The following GSE1 variants were observed in gnomAD, a reference collection of about 807,000 sequenced individuals.
The protein encoded by GSE1 is Gse1 coiled-coil protein, also known as genetic suppressor element 1.
A neutral mutation model predicts 112.6 loss-of-function variants in GSE1; 32 were observed. That is an observed-to-expected ratio of 0.28 (90% confidence interval 0.21 to 0.38). The LOEUF (loss-of-function observed/expected upper bound fraction) is 0.38. Ranked by LOEUF, GSE1 falls within the 10% of genes least tolerant of loss-of-function variation. GSE1 has a pLI of 1.00. For synonymous variants in GSE1, 1,115 were observed against 735.6 expected, an observed-to-expected ratio of 1.52 and a Z score of -8.35; for missense variants, 2,348 against 1,699.2, an observed-to-expected ratio of 1.38 and a Z score of -6.71.
chr16:85,250,995 C>T (rs930038829), intron 1 of GSE1, among the ~76,000 whole-genome samples: 11 of 152,264 alleles, frequency 7.2e-5, no homozygotes, highest in African/African-American at 2.4e-4. Flanking sequence ...GTCAAGGCTT[C>T]ATTCCTTTTC....
intron 2 of GSE1, among the ~76,000 whole-genome samples, chr16:85,532,700 G>A (rs1056984225): frequency 2.6e-5 from 4 of 152,238 alleles, no homozygotes; most frequent in Non-Finnish European, 5.9e-5. Context: ...GCATCGGGTG[G>A]AAGGCAGGAT....
chr16:85,220,588 G>A (rs1597829501), intron 1 of GSE1, among the ~76,000 whole-genome samples: 1 of 152,022 alleles, frequency 6.6e-6, no homozygotes, highest in South Asian at 2.1e-4. Context: ...TTGAACTTCA[G>A]CCTCCCCACA....
At chr16:85,606,339 G>A (rs1262215302) in intron 1 of GSE1, among the ~76,000 whole-genome samples, 3 of 152,240 alleles carry the variant, frequency 2.0e-5, no homozygotes, top group Non-Finnish European at 2.9e-5. Context: ...CAGCAGGAGC[G>A]CTGGGAAGGC....
In GSE1 at chr16:85,654,934, C is replaced by T; in HGVS notation, c.740C>T (p.Ala247Val). 1.2e-6 allele frequency: 2 copies of T among 1,610,978 alleles called. No individual in the cohort carries two copies. Among genetic ancestry groups the T allele is most frequent in the Non-Finnish European group, 1.7e-6 (2 of 1,179,548 alleles). The change falls in exon 5 of 16, where the codon GCA becomes GTA. Residue 247 changes from alanine to valine, a missense_variant. Coordinates refer to ENST00000253458, the MANE Select transcript of GSE1 (RefSeq NM_014615.5). ...PPLGLDPATA[A>V]AYYHPSYLAP... Reference sequence around the variant, plus strand: ...CTCGGCCTGGACCCGGCCACTGCTGCAGCCTACTACCACCCCAGCTACCTG... The same window carrying T: ...CTCGGCCTGGACCCGGCCACTGCTGTAGCCTACTACCACCCCAGCTACCTG...
chr16:85,439,819 C>T (rs953938815), intron 2 of GSE1, among the ~76,000 whole-genome samples: 2 of 152,052 alleles, frequency 1.3e-5, no homozygotes, highest in African/African-American at 4.8e-5. Context: ...TCCACAGGCA[C>T]AGATGCATGC....
intron 2 of GSE1, among the ~76,000 whole-genome samples, chr16:85,384,436 C>T (rs983499211): frequency 2.6e-5 from 4 of 152,224 alleles, no homozygotes; most frequent in African/African-American, 9.6e-5. Context: ...GCTTTTATTT[C>T]CACATCTATA....
At chr16:85,219,084 T>G (rs1214271384) in intron 1 of GSE1, among the ~76,000 whole-genome samples, 3 of 152,196 alleles carry the variant, frequency 2.0e-5, no homozygotes. Flanking sequence ...TTTCACCATG[T>G]TAGCCAGGAT....
At chr16:85,601,291 C>CA in intron 1 of GSE1, among the ~76,000 whole-genome samples, 1 of 151,954 alleles carries the variant, frequency 6.6e-6, no homozygotes, top group Non-Finnish European at 1.5e-5. Flanking sequence ...GGGAGGGGAG[C>CA]AGCCCCAGGA....
chr16:85,623,178 C>T (rs535192968), intron 1 of GSE1, among the ~76,000 whole-genome samples: 14 of 151,568 alleles, frequency 9.2e-5, no homozygotes, highest in African/African-American at 2.9e-4. Context: ...CAAATAAAAA[C>T]AGGTTGAAGG....
intron 2 of GSE1, among the ~76,000 whole-genome samples, chr16:85,466,162 C>T (rs934186992): frequency 1.3e-5 from 2 of 152,216 alleles, no homozygotes. Context: ...GTTGAAAGGA[C>T]AAGGGCGGCT....
intron 2 of GSE1, among the ~76,000 whole-genome samples, chr16:85,470,419 G>A (rs1227568679): frequency 6.8e-6 from 1 of 146,844 alleles, no homozygotes; most frequent in Non-Finnish European, 1.5e-5. Context: ...CCCGGACGCA[G>A]AGCTGGGATC....
chr16:85,427,817 G>C (rs1246800423), intron 2 of GSE1, among the ~76,000 whole-genome samples: 3 of 152,246 alleles, frequency 2.0e-5, no homozygotes, highest in Non-Finnish European at 2.9e-5. Context: ...GGGCGACAGA[G>C]CAAGACTCCG....
At chr16:85,261,352 C>A (rs994038501) in intron 1 of GSE1, among the ~76,000 whole-genome samples, 1 of 152,270 alleles carries the variant, frequency 6.6e-6, no homozygotes, top group Admixed American at 6.5e-5. Context: ...AGTGTTCCAT[C>A]TGTACAGTGA....
intron 2 of GSE1, among the ~76,000 whole-genome samples, chr16:85,529,268 C>T (rs2052469125): frequency 6.6e-6 from 1 of 152,124 alleles, no homozygotes; most frequent in Non-Finnish European, 1.5e-5. Context: ...AAGGCCACGT[C>T]GGTGGCTCCG....
intron 1 of GSE1, among the ~76,000 whole-genome samples, chr16:85,259,306 GCCCAC>G (rs1280649756): frequency 6.6e-6 from 1 of 151,214 alleles, no homozygotes; most frequent in African/African-American, 2.4e-5. Flanking sequence ...CTCCACCCTG[GCCCAC>G]CCTGTGCTCC....
In GSE1 at chr16:85,510,270, C is replaced by T. The variant is rs149346903; in HGVS notation, c.2465-123644C>T. 1.9e-3 allele frequency among the ~76,000 whole-genome samples: 285 copies of T among 152,350 alleles called. 1 individual carries two copies. The highest frequency in any genetic ancestry group is 3.6e-3 in the African/African-American group (151 of 41,576). The stretch of plus-strand genomic sequence containing the variant: ...TCCCAGAAGCAAAGTTTTGCTGCCA[C>T]GAGGACCCCACTGTGTGAGGCCCAG... On this transcript the variant is annotated intron_variant, in intron 2 of 2. Coordinates refer to the GSE1 transcript ENST00000637419.
At chr16:85,339,679 C>G (rs1567698843) in intron 1 of GSE1, among the ~76,000 whole-genome samples, 1 of 152,082 alleles carries the variant, frequency 6.6e-6, no homozygotes, top group East Asian at 1.9e-4. Context: ...TCTTTTTAAT[C>G]TTTCCATTTT....
At position 85,396,563 on chromosome 16, in the gene GSE1, C is replaced by A. The variant is rs901916525; in HGVS notation, c.2464+38920C>A. 2.0e-5 allele frequency among the ~76,000 whole-genome samples: 3 copies of A among 152,382 alleles called. No homozygotes were observed. In the South Asian group the frequency reaches 6.2e-4, roughly 32 times the overall value. ...CCTGGCCACTGCCAGAGGCAGCTGCCCACCACCTGGAGCCATGGAGGAGAG... is the reference window on the plus strand; with the variant it reads ...CCTGGCCACTGCCAGAGGCAGCTGCACACCACCTGGAGCCATGGAGGAGAG... On this transcript the variant is annotated intron_variant, in intron 2 of 2. Transcript: ENST00000637419.
chr16:85,550,667 C>T (rs2044875773), intron 2 of GSE1, among the ~76,000 whole-genome samples: 1 of 152,228 alleles, frequency 6.6e-6, no homozygotes, highest in African/African-American at 2.4e-5. Flanking sequence ...CTCCAGACCC[C>T]AGCCTGCAGC....
Sources: allele counts gnomAD v4.1 joint callset (sites outside exome capture counted in the v4.1 genomes callset), GRCh38; gene constraint gnomAD v4.1.1; transcripts MANE v1.5; gene names NCBI Gene and HGNC (gene_info 2026-07-23, HGNC 2026-07-21).